PCDHA9: variants seen among roughly 807,000 people sequenced by gnomAD.
PCDHA9 encodes the protein protocadherin alpha 9, also known as protocadherin alpha-9.
Under a neutral mutation model 62.0 loss-of-function variants are expected in PCDHA9, and 62 were observed. That is an observed-to-expected ratio of 1.00 (90% CI 0.81 to 1.23). PCDHA9 has a LOEUF of 1.23. Ranked by LOEUF, PCDHA9 falls within the 50% of genes most tolerant of loss-of-function variation. PCDHA9 has a pLI of 0.00. For synonymous variants in PCDHA9, 557 were observed against 567.6 expected (o/e 0.98, Z 0.27); for missense variants, 1,205 against 1,249.8 (o/e 0.96, Z 0.54).
At chr5:140,904,280 G>A in intron 1 of PCDHA9, among the ~76,000 whole-genome samples, 1 of 151,848 alleles carries the variant, frequency 6.6e-6, no homozygotes, top group Non-Finnish European at 1.5e-5. Flanking sequence ...GAGAACATGT[G>A]GTGTTTGGTT....
chr5:140,932,261 T>C (rs1554208805), intron 1 of PCDHA9, among the ~76,000 whole-genome samples: 1 of 151,922 alleles, frequency 6.6e-6, no homozygotes, highest in East Asian at 1.9e-4. Context: ...CTCTGAGATA[T>C]AAATTTCTAC....
intron 1 of PCDHA9, chr5:140,871,619 A>C: frequency 7.1e-7 from 1 of 1,415,536 alleles, no homozygotes; most frequent in Non-Finnish European, 9.4e-7. Context: ...ATTGTTTTAG[A>C]TAACAATGTC....
At chr5:140,926,362 C>G (rs1199629040) in intron 1 of PCDHA9, 4 of 152,268 alleles carry the variant, frequency 2.6e-5, no homozygotes, top group African/African-American at 9.7e-5. Context: ...TCCCAAAGGG[C>G]GGCAGGAAGA....
At chr5:140,866,469 C>CG (rs2049380122) in intron 1 of PCDHA9, 2 of 152,080 alleles carry the variant, frequency 1.3e-5, no homozygotes, top group Non-Finnish European at 2.9e-5. Context: ...AAGCTCATAA[C>CG]AACTGACAAA....
In PCDHA9 at chr5:140,848,780, G is replaced by C; in HGVS notation, c.285G>C (p.Leu95=). 3 of 1,593,474 alleles carry C rather than the reference G, an allele frequency of 1.9e-6. No homozygotes were observed. Among genetic ancestry groups the C allele is most frequent in the South Asian group, 1.1e-5 (1 of 90,246 alleles). ...ATTCTCGGATCGACCGCGAGGAGCTGTGCGGGCGGAGCGCGGAGTGCAGCA... is the reference window on the plus strand; with the variant it reads ...ATTCTCGGATCGACCGCGAGGAGCTCTGCGGGCGGAGCGCGGAGTGCAGCA... The part of the protein sequence containing the change: ...FVNSRIDREE[L]CGRSAECSIH... The change falls in exon 1 of 4, where the codon CTG becomes CTC. Residue 95 remains leucine, a synonymous_variant. Transcript: ENST00000532602.
intron 1 of PCDHA9, chr5:140,875,643 G>A: frequency 6.2e-7 from 1 of 1,613,696 alleles, no homozygotes; most frequent in Non-Finnish European, 8.5e-7. Flanking sequence ...TGGAGCTGGC[G>A]GAGCTGGTGC....
chr5:140,877,276 G>C, intron 1 of PCDHA9: 2 of 1,613,862 alleles, frequency 1.2e-6, no homozygotes, highest in Non-Finnish European at 1.7e-6. Flanking sequence ...CGCTGACTCC[G>C]GCTATAACGC....
chr5:140,877,068 G>C (rs1050946101), intron 1 of PCDHA9: 4 of 1,613,122 alleles, frequency 2.5e-6, no homozygotes, highest in Non-Finnish European at 3.4e-6. Context: ...AGCTGCTGCA[G>C]TTCCAGGTGA....
At chr5:140,903,545 C>T (rs1562939927) in intron 1 of PCDHA9, among the ~76,000 whole-genome samples, 3 of 152,130 alleles carry the variant, frequency 2.0e-5, no homozygotes, top group Non-Finnish European at 4.4e-5. Context: ...GAGCAAGAAA[C>T]TTTTCTAATA....
intron 1 of PCDHA9, chr5:140,851,808 A>G (rs1231685115): frequency 1.1e-6 from 1 of 948,168 alleles, no homozygotes; most frequent in Non-Finnish European, 1.3e-6. Context: ...TCAGTAATCC[A>G]TAAGACAGAA....
intron 3 of PCDHA9, among the ~76,000 whole-genome samples, chr5:140,989,551 C>A (rs964653534): frequency 1.3e-5 from 2 of 152,178 alleles, no homozygotes; most frequent in Non-Finnish European, 2.9e-5. Context: ...AATTCCTTTA[C>A]GTTTTGTGGC....
chr5:140,892,901 C>G (rs994625869), intron 1 of PCDHA9, among the ~76,000 whole-genome samples: 1 of 152,196 alleles, frequency 6.6e-6, no homozygotes, highest in African/African-American at 2.4e-5. Flanking sequence ...CTTTCCCCAT[C>G]CTCCTTTTCC....
chr5:140,870,426 C>A (rs574302735), intron 1 of PCDHA9: 1 of 1,614,090 alleles, frequency 6.2e-7, no homozygotes, highest in Non-Finnish European at 8.5e-7. Context: ...CCAGGGTATC[C>A]GTGGAGGTGG....
intron 1 of PCDHA9, among the ~76,000 whole-genome samples, chr5:140,954,068 G>A (rs1404063517): frequency 6.6e-6 from 1 of 152,174 alleles, no homozygotes; most frequent in South Asian, 2.1e-4. Context: ...TTATGCTGAG[G>A]ATAATGGCTT....
At chr5:140,984,192 A>G (rs1233193080) in intron 3 of PCDHA9, among the ~76,000 whole-genome samples, 31 of 152,144 alleles carry the variant, frequency 2.0e-4, no homozygotes, top group Admixed American at 2.0e-3. Context: ...ATGACTTTCT[A>G]CCTTGCCTTT....
chr5:140,926,936 G>A, intron 1 of PCDHA9: 1 of 1,580,648 alleles, frequency 6.3e-7, no homozygotes, highest in Non-Finnish European at 8.6e-7. Context: ...TGGGTTTCCT[G>A]CGGCGCTGCA....
At chr5:140,873,009 T>C (rs1397141967) in intron 1 of PCDHA9, among the ~76,000 whole-genome samples, 1 of 152,224 alleles carries the variant, frequency 6.6e-6, no homozygotes, top group African/African-American at 2.4e-5. Context: ...TCATTCTTCA[T>C]ATTTAGTTAT....
At chr5:140,901,207 T>C (rs894216497) in intron 1 of PCDHA9, among the ~76,000 whole-genome samples, 1 of 152,206 alleles carries the variant, frequency 6.6e-6, no homozygotes, top group Non-Finnish European at 1.5e-5. Context: ...AGAAGGTTTT[T>C]AAGTTGATGT....
In PCDHA9 at chr5:141,012,021, A is replaced by T. The variant is rs1428323351; in HGVS notation, c.*2084A>T. 6.5e-6 allele frequency: 1 copy of T among 153,734 alleles called. No individual in the cohort carries two copies. The highest frequency in any genetic ancestry group is 1.5e-5 in the Non-Finnish European group (1 of 68,044). 9.5% of individuals were successfully genotyped at this position (153,734 alleles called of 1,614,324 possible). The stretch of plus-strand genomic sequence containing the variant: ...CATATTTTGAAGGGTGTGTAACTTC[A>T]GCTCTGCAGGATTGCATGGGGTAAA... On this transcript the variant is annotated 3_prime_UTR_variant, in exon 4 of 4. Transcript: ENST00000532602.
Sources: gnomAD v4.1 joint callset for allele counts (sites outside exome capture counted in the v4.1 genomes callset) on GRCh38, gnomAD v4.1.1 for gene constraint, MANE v1.5 for transcripts, NCBI Gene and HGNC (gene_info 2026-07-23, HGNC 2026-07-21) for gene names.